ZNF804A: variants seen among roughly 807,000 people sequenced by gnomAD.
ZNF804A encodes zinc finger protein 804A.
Under a neutral mutation model 16.5 loss-of-function variants are expected in ZNF804A, and 2 were observed. That is an observed-to-expected ratio of 0.12 (90% CI 0.05 to 0.38). ZNF804A has a LOEUF of 0.38. ZNF804A is among the 10% of genes least tolerant of loss of function. The pLI, the probability that ZNF804A is intolerant of heterozygous loss-of-function variation, is 0.99. For synonymous variants in ZNF804A, 534 were observed against 489.6 expected (o/e 1.09, Z -1.20); for missense variants, 1,473 against 1,390.7 (o/e 1.06, Z -0.94).
At chr2:184,749,182 A>T (rs913641600) in intron 1 of ZNF804A, among the ~76,000 whole-genome samples, 2 of 151,404 alleles carry the variant, frequency 1.3e-5, no homozygotes, top group African/African-American at 2.4e-5. Flanking sequence ...TGACCATTTT[A>T]ATGATATTGA....
At chr2:184,900,540 T>G (rs1685163603) in intron 2 of ZNF804A, among the ~76,000 whole-genome samples, 1 of 152,146 alleles carries the variant, frequency 6.6e-6, no homozygotes, top group African/African-American at 2.4e-5. Context: ...TTCTTCTTTT[T>G]AAATAGTTCG....
At chr2:184,931,332 C>T (rs1685698564) in intron 2 of ZNF804A, among the ~76,000 whole-genome samples, 3 of 152,232 alleles carry the variant, frequency 2.0e-5, no homozygotes, top group South Asian at 2.1e-4. Flanking sequence ...GAGGGCTCTG[C>T]CCCACAGCAC....
At chr2:184,654,863 T>C (rs1265741951) in intron 1 of ZNF804A, among the ~76,000 whole-genome samples, 2 of 152,170 alleles carry the variant, frequency 1.3e-5, no homozygotes, top group Non-Finnish European at 2.9e-5. Context: ...ATAATTCCAT[T>C]GGCTATAAGG....
rs1204662586 is a variant in ZNF804A at position 184,683,388 on chromosome 2, C to T, written c.111+84318C>T. 2.0e-5 allele frequency among the ~76,000 whole-genome samples: 3 copies of T among 152,244 alleles called. No homozygotes were observed. In the East Asian group the frequency reaches 5.8e-4, roughly 29 times the overall value. On this transcript the variant is annotated intron_variant, in intron 1 of 3. Coordinates refer to ENST00000302277, the MANE Select transcript of ZNF804A (RefSeq NM_194250.2). The stretch of plus-strand genomic sequence containing the variant: ...CAGCCACATTTTACATTTGAGATTA[C>T]AGTGCTTTTATATTTCCTACCTATG...
chr2:184,806,471 A>T (rs1489839095), intron 1 of ZNF804A, among the ~76,000 whole-genome samples: 1 of 151,952 alleles, frequency 6.6e-6, no homozygotes, highest in East Asian at 1.9e-4. Flanking sequence ...GAATACAATT[A>T]TTTATGGTTT....
chr2:184,877,491 A>G (rs375255164), intron 2 of ZNF804A, among the ~76,000 whole-genome samples: 4 of 151,990 alleles, frequency 2.6e-5, no homozygotes, highest in East Asian at 3.9e-4. Context: ...CAAACCTTAA[A>G]TTATCTGCTG....
chr2:184,625,190 G>A (rs1333235518), intron 1 of ZNF804A, among the ~76,000 whole-genome samples: 1 of 152,194 alleles, frequency 6.6e-6, no homozygotes, highest in Non-Finnish European at 1.5e-5. Context: ...TTCCCCTCTA[G>A]TAGATATCAA....
chr2:184,933,330 G>A (rs1243596489), intron 2 of ZNF804A, among the ~76,000 whole-genome samples: 2 of 152,108 alleles, frequency 1.3e-5, no homozygotes, highest in Non-Finnish European at 2.9e-5. Context: ...GAAACAGCAG[G>A]AAATGATCAA....
At chr2:184,842,543 G>A (rs1695454020) in intron 1 of ZNF804A, among the ~76,000 whole-genome samples, 1 of 150,954 alleles carries the variant, frequency 6.6e-6, no homozygotes, top group Admixed American at 6.6e-5. Context: ...GGAAATTTAT[G>A]ATTTTAGGAA....
Position 184,938,847 on chromosome 2 carries a change from G to A in ZNF804A, c.3451G>A (p.Val1151Ile), listed in dbSNP as rs1157889894. 1.2e-6 allele frequency: 2 copies of A among 1,613,878 alleles called. No homozygotes were observed. Among genetic ancestry groups the A allele is most frequent in the Non-Finnish European group, 1.7e-6 (2 of 1,180,002 alleles). The change falls in exon 4 of 4, where the codon GTA becomes ATA. Residue 1151 changes from valine (V) to isoleucine (I), a missense_variant. Val to Ile is a conservative substitution (Grantham distance 29, BLOSUM62 3). Transcript: ENST00000302277. ...ATTACCTCAGCTCTCAGTAGGACCA[G>A]TAGGACCGAGGCTTTGTCCTGGGAA... ...TSLPQLSVGPVGPRLCPGNQP... is the reference protein window; with the variant it reads ...TSLPQLSVGPIGPRLCPGNQP...
intron 1 of ZNF804A, among the ~76,000 whole-genome samples, chr2:184,690,755 C>T (rs1444119600): frequency 1.3e-5 from 2 of 151,940 alleles, no homozygotes; most frequent in African/African-American, 4.8e-5. Context: ...AAAGTGTTTT[C>T]TAAAACAGAG....
intron 1 of ZNF804A, among the ~76,000 whole-genome samples, chr2:184,752,536 C>T (rs954684587): frequency 6.6e-6 from 1 of 151,400 alleles, no homozygotes; most frequent in African/African-American, 2.4e-5. Flanking sequence ...ACAATGTTCA[C>T]TATTTGCAAC....
At chr2:184,876,971 AG>A (rs1346373054) in intron 2 of ZNF804A, among the ~76,000 whole-genome samples, 3 of 152,200 alleles carry the variant, frequency 2.0e-5, no homozygotes, top group African/African-American at 7.2e-5. Flanking sequence ...ATCCAATAAA[AG>A]TCCTACCACG....
intron 1 of ZNF804A, among the ~76,000 whole-genome samples, chr2:184,750,483 T>C (rs1693861904): frequency 6.6e-6 from 1 of 151,336 alleles, no homozygotes; most frequent in Non-Finnish European, 1.5e-5. Context: ...ACATATATAG[T>C]TGCACTAATC....
intron 2 of ZNF804A, among the ~76,000 whole-genome samples, chr2:184,882,990 TC>T (rs1684832360): frequency 6.6e-6 from 1 of 151,780 alleles, no homozygotes; most frequent in African/African-American, 2.4e-5. Context: ...GATCAACAAA[TC>T]CACAATTTGG....
chr2:184,786,745 A>G (rs978012281), intron 1 of ZNF804A, among the ~76,000 whole-genome samples: 7 of 152,098 alleles, frequency 4.6e-5, no homozygotes, highest in Admixed American at 3.3e-4. Context: ...ACTTTACTAT[A>G]AAATTCTTAT....
Position 184,936,886 on chromosome 2 carries a change from T to C in ZNF804A, c.1490T>C (p.Leu497Pro), listed in dbSNP as rs142418341. ...QKQEDICMGP[L>P]SDYKDVSTEG... is the part of the protein sequence containing the mutation. ...CAGGAAGACATTTGCATGGGACCAC[T>C]TTCAGATTACAAGGATGTATCTACA... The change falls in exon 4 of 4, where the codon CTT (leucine) becomes CCT (proline). Residue 497 changes from leucine (L) to proline (P), a missense_variant. Physicochemically the swap from Leu to Pro is moderately conservative, Grantham distance 98. Transcript: ENST00000302277. The C allele has an allele frequency of 2.0e-4, 316 of 1,613,688 alleles. 3 individuals are homozygous for C. The African/African-American group carries it at 3.6e-3, about 18-fold the overall frequency.
chr2:184,679,473 G>C (rs560833402), intron 1 of ZNF804A, among the ~76,000 whole-genome samples: 1 of 152,002 alleles, frequency 6.6e-6, no homozygotes, highest in Non-Finnish European at 1.5e-5. Flanking sequence ...CACCCTCCCC[G>C]GTGCAGCTAC....
chr2:184,906,425 G>A lies in ZNF804A; in HGVS notation c.256-27178G>A, dbSNP rs114278006. Among the ~76,000 whole-genome samples, 385 of 152,028 alleles carry A rather than the reference G, an allele frequency of 2.5e-3. 1 individual carries two copies. Among genetic ancestry groups the A allele is most frequent in the African/African-American group, 8.5e-3 (353 of 41,470 alleles). On this transcript the variant is annotated intron_variant, in intron 2 of 3. Transcript: ENST00000302277. ...GCAATTATTCCACCTCAGGTTCCCC[G>A]AGTGGCTGGGACTACAGGTGCACAC... is the stretch of plus-strand genomic sequence containing the variant.
Sources: allele counts gnomAD v4.1 joint callset (sites outside exome capture counted in the v4.1 genomes callset), GRCh38; gene constraint gnomAD v4.1.1; transcripts MANE v1.5; gene names NCBI Gene and HGNC (gene_info 2026-07-23, HGNC 2026-07-21).